FANCL: variants seen among roughly 807,000 people sequenced by gnomAD.
FANCL encodes the protein E3 ubiquitin-protein ligase FANCL.
In FANCL, 69 loss-of-function variants were observed where a neutral mutation model predicts 59.4. The ratio of observed to expected loss-of-function variants is 1.16; its 90% confidence interval spans 0.96 to 1.42. The LOEUF (loss-of-function observed/expected upper bound fraction) is 1.42, where lower values mean the gene tolerates loss of function less well. Among genes scored for constraint, FANCL ranks in the 40% most tolerant of loss-of-function variants. FANCL has a pLI of 0.00. For missense variants in FANCL, 519 were observed against 447.2 expected (o/e 1.16, Z -1.45); for synonymous variants, 180 against 147.1 (o/e 1.22, Z -1.62).
chr2:58,165,122 T>C (rs935010110), intron 8 of FANCL, among the ~76,000 whole-genome samples: 49 of 152,172 alleles, frequency 3.2e-4, no homozygotes, highest in Non-Finnish European at 1.6e-4. Context: ...ATGTTTTGCT[T>C]GCTTATAATG....
chr2:58,208,751 C>G (rs151296511), intron 5 of FANCL, among the ~76,000 whole-genome samples: 163 of 152,298 alleles, frequency 1.1e-3, no homozygotes, highest in Middle Eastern at 3.4e-3. Flanking sequence ...AAACAATCTT[C>G]CTAATGCGTG....
At chr2:58,231,014 C>T (rs1693530928) in intron 2 of FANCL, among the ~76,000 whole-genome samples, 2 of 152,216 alleles carry the variant, frequency 1.3e-5, no homozygotes, top group South Asian at 4.1e-4. Context: ...TTACTTGCAT[C>T]TAACCTATCT....
At chr2:58,215,119 A>G (rs2105230258) in intron 5 of FANCL, among the ~76,000 whole-genome samples, 1 of 152,338 alleles carries the variant, frequency 6.6e-6, no homozygotes, top group South Asian at 2.1e-4. Flanking sequence ...GCATCTGAAG[A>G]TAAGTCAAAA....
chr2:58,215,614 A>G (rs1691632240), intron 5 of FANCL, among the ~76,000 whole-genome samples: 3 of 151,450 alleles, frequency 2.0e-5, no homozygotes, highest in Admixed American at 2.0e-4. Flanking sequence ...TTCTGAAGCC[A>G]TTTTCCTCAA....
chr2:58,207,631 T>C (rs1417245091), intron 5 of FANCL, among the ~76,000 whole-genome samples: 1 of 152,188 alleles, frequency 6.6e-6, no homozygotes, highest in African/African-American at 2.4e-5. Context: ...TAGCCTATGA[T>C]ATAACTAATA....
intron 13 of FANCL, 73 bp from the exon 14 acceptor site, chr2:58,159,873 AGT>A (rs1684839952): frequency 6.3e-7 from 1 of 1,596,938 alleles, no homozygotes; most frequent in Non-Finnish European, 8.5e-7. Flanking sequence ...TACTAGAAAT[AGT>A]GTCATAGAAT....
chr2:58,181,431 T>A (rs1687930331), intron 7 of FANCL, among the ~76,000 whole-genome samples: 1 of 152,054 alleles, frequency 6.6e-6, no homozygotes, highest in East Asian at 1.9e-4. Flanking sequence ...ATGTTCTGCA[T>A]CTTGACTGTG....
intron 7 of FANCL, among the ~76,000 whole-genome samples, chr2:58,193,399 C>T (rs182612852): frequency 1.3e-5 from 2 of 151,874 alleles, no homozygotes; most frequent in African/African-American, 4.8e-5. Context: ...TTTTTAGAAT[C>T]AATATAGGCT....
chr2:58,217,821 T>C (rs1222644429), intron 5 of FANCL, among the ~76,000 whole-genome samples: 1 of 151,910 alleles, frequency 6.6e-6, no homozygotes, highest in Non-Finnish European at 1.5e-5. Context: ...TTAAACATAT[T>C]GGATATCTGA....
rs774247054 is a variant in FANCL at position 58,198,667 on chromosome 2, T to A, written c.472-5A>T. ...ATCTGGTGATTCTGCAGGATACTAT[T>A]AAAAAAGCATAACATTAGACCATTT... On this transcript the variant is annotated splice_polypyrimidine_tract_variant and splice_region_variant and intron_variant, in intron 6 of 13. Coordinates refer to ENST00000233741, the MANE Select transcript of FANCL (RefSeq NM_018062.4). 2 of 1,610,372 alleles carry A rather than the reference T, an allele frequency of 1.2e-6. No homozygotes were observed. The highest frequency in any genetic ancestry group is 2.2e-5 in the South Asian group (2 of 90,958).
chr2:58,233,404 T>A (rs1291919328), intron 1 of FANCL, among the ~76,000 whole-genome samples: 1 of 152,058 alleles, frequency 6.6e-6, no homozygotes, highest in African/African-American at 2.4e-5. Context: ...TTAGTTAAAG[T>A]ATCTAGAAAT....
At chr2:58,194,618 CTGA>C (rs745656000) in intron 7 of FANCL, among the ~76,000 whole-genome samples, 33 of 152,024 alleles carry the variant, frequency 2.2e-4, no homozygotes, top group Non-Finnish European at 2.9e-4. Context: ...GCCCTTGGTG[CTGA>C]TTTCTTACTA....
In FANCL at chr2:58,181,274, G is replaced by C. The variant is rs908827264; in HGVS notation, c.541-15400C>G. Among the ~76,000 whole-genome samples, 25 of 152,018 alleles carry C rather than the reference G, an allele frequency of 1.6e-4. 1 individual carries two copies. The highest frequency in any genetic ancestry group is 1.2e-3 in the Admixed American group (19 of 15,226). ...CAACATGGATAAATTTCAGAAAATG[G>C]ATGGGTAAAATAAGCCTATGTAGGA... On this transcript the variant is annotated intron_variant, in intron 7 of 13. Coordinates refer to ENST00000233741, the MANE Select transcript of FANCL (RefSeq NM_018062.4).
rs368125495 is a variant in FANCL at position 58,176,575 on chromosome 2, A to G, written c.541-10701T>C. Among the ~76,000 whole-genome samples, 32 of 152,348 alleles carry G rather than the reference A, an allele frequency of 2.1e-4. No homozygotes were observed. In the South Asian group the frequency reaches 5.4e-3, roughly 26 times the overall value. On this transcript the variant is annotated intron_variant, in intron 7 of 13. Transcript: ENST00000233741. ...ATGGTGCTGGGAAAACTGGCTAGCT[A>G]TATGTAGGAAGCTGAAACCGGATCC... is the stretch of plus-strand genomic sequence containing the variant.
chr2:58,217,459 A>T (rs915737614), intron 5 of FANCL, among the ~76,000 whole-genome samples: 13 of 151,420 alleles, frequency 8.6e-5, no homozygotes, highest in Admixed American at 5.3e-4. Context: ...AGAGAAAAAG[A>T]GGAAGAATTT....
At chr2:58,224,279 T>C (rs1323067475) in intron 4 of FANCL, among the ~76,000 whole-genome samples, 1 of 151,782 alleles carries the variant, frequency 6.6e-6, no homozygotes, top group Non-Finnish European at 1.5e-5. Context: ...TTTATTAAAA[T>C]TATAATAAAA....
At chr2:58,225,265 T>C (rs943886664) in intron 4 of FANCL, among the ~76,000 whole-genome samples, 1 of 151,220 alleles carries the variant, frequency 6.6e-6, no homozygotes, top group African/African-American at 2.4e-5. Context: ...TGACAGTTGC[T>C]AGGCACCAAC....
intron 1 of FANCL, among the ~76,000 whole-genome samples, chr2:58,233,638 T>A (rs1173502254): frequency 6.6e-6 from 1 of 151,848 alleles, no homozygotes. Flanking sequence ...CACTTTCCAA[T>A]AGAACCTACT....
intron 1 of FANCL, among the ~76,000 whole-genome samples, chr2:58,232,336 A>G (rs368689742): frequency 2.6e-5 from 4 of 152,150 alleles, no homozygotes; most frequent in African/African-American, 9.7e-5. Context: ...CTGGGAAATC[A>G]AAACACTCAG....
Sources: allele counts gnomAD v4.1 joint callset (sites outside exome capture counted in the v4.1 genomes callset), GRCh38; gene constraint gnomAD v4.1.1; transcripts MANE v1.5; gene names NCBI Gene and HGNC (gene_info 2026-07-23, HGNC 2026-07-21).